TBC1D5: variants seen among roughly 807,000 people sequenced by gnomAD.
The protein encoded by TBC1D5 is TBC1 domain family, member 5.
In TBC1D5, 75 loss-of-function variants were observed where a neutral mutation model predicts 100.3. That is an observed-to-expected ratio of 0.75 (90% CI 0.62 to 0.91). The LOEUF is 0.91. Ranked by LOEUF, TBC1D5 falls within the 40% of genes least tolerant of loss-of-function variation. The pLI is 0.00. For synonymous variants in TBC1D5, 323 were observed against 325.6 expected (o/e 0.99, Z 0.09); for missense variants, 910 against 942.4 (o/e 0.97, Z 0.45).
At chr3:17,373,080 A>G (rs1420803190) in intron 12 of TBC1D5, among the ~76,000 whole-genome samples, 1 of 152,174 alleles carries the variant, frequency 6.6e-6, no homozygotes, top group Non-Finnish European at 1.5e-5. Context: ...CTTAAATTTC[A>G]TATTCTTTTC....
At chr3:17,244,998 C>T (rs565743022) in intron 16 of TBC1D5, among the ~76,000 whole-genome samples, 8 of 124,516 alleles carry the variant, frequency 6.4e-5, no homozygotes, top group African/African-American at 1.6e-4. Flanking sequence ...CCAGCCTGGG[C>T]GATATAGTGA....
At chr3:17,463,113 T>C (rs1177475424) in intron 3 of TBC1D5, among the ~76,000 whole-genome samples, 2 of 152,236 alleles carry the variant, frequency 1.3e-5, no homozygotes, top group Non-Finnish European at 2.9e-5. Context: ...TCCATCATTA[T>C]ATCCTGCTGT....
At chr3:17,212,475 T>C (rs2073099721) in intron 18 of TBC1D5, among the ~76,000 whole-genome samples, 1 of 152,168 alleles carries the variant, frequency 6.6e-6, no homozygotes. Flanking sequence ...TTTATCATTA[T>C]TTTATAATGT....
intron 13 of TBC1D5, among the ~76,000 whole-genome samples, chr3:17,355,509 A>C (rs2091129857): frequency 6.6e-6 from 1 of 152,176 alleles, no homozygotes; most frequent in Admixed American, 6.6e-5. Context: ...TTTACTCTAA[A>C]GTAATATTGA....
At chr3:17,386,989 A>C (rs182529510) in intron 8 of TBC1D5, among the ~76,000 whole-genome samples, 1 of 152,146 alleles carries the variant, frequency 6.6e-6, no homozygotes, top group Non-Finnish European at 1.5e-5. Flanking sequence ...CAGACATAGC[A>C]TATCTATGAA....
At chr3:17,573,899 C>T (rs2096641949) in intron 2 of TBC1D5, among the ~76,000 whole-genome samples, 1 of 151,918 alleles carries the variant, frequency 6.6e-6, no homozygotes, top group African/African-American at 2.4e-5. Context: ...AAACTACAAG[C>T]TCCTATTGGA....
intron 13 of TBC1D5, among the ~76,000 whole-genome samples, chr3:17,369,230 GA>G (rs1229829281): frequency 2.0e-5 from 3 of 149,536 alleles, no homozygotes; most frequent in Non-Finnish European, 4.5e-5. Flanking sequence ...CTAGTGAAAA[GA>G]AAAAAAAAGT....
chr3:17,323,575 A>G (rs1559632371), intron 13 of TBC1D5, among the ~76,000 whole-genome samples: 1 of 152,188 alleles, frequency 6.6e-6, no homozygotes, highest in Admixed American at 6.5e-5. Flanking sequence ...ATTGAAAAGA[A>G]AAGTAACAGC....
At chr3:17,268,565 A>T (rs2079059672) in intron 15 of TBC1D5, among the ~76,000 whole-genome samples, 1 of 152,176 alleles carries the variant, frequency 6.6e-6, no homozygotes, top group Admixed American at 6.6e-5. Flanking sequence ...CATTAGTATA[A>T]TTTTAAAGTA....
chr3:17,235,908 T>G (rs1412630033), intron 17 of TBC1D5, among the ~76,000 whole-genome samples: 1 of 152,028 alleles, frequency 6.6e-6, no homozygotes, highest in African/African-American at 2.4e-5. Context: ...AATTTTTGTT[T>G]TTTTTTTTTG....
intron 17 of TBC1D5, 114 bp downstream of exon 17, chr3:17,238,049 A>T: frequency 2.1e-6 from 3 of 1,415,762 alleles, no homozygotes; most frequent in Non-Finnish European, 2.8e-6. Flanking sequence ...CATATTTAAA[A>T]AGTAAGTTTT....
chr3:17,436,564 G>A (rs2149472819), intron 3 of TBC1D5, among the ~76,000 whole-genome samples: 1 of 152,254 alleles, frequency 6.6e-6, no homozygotes, highest in East Asian at 1.9e-4. Context: ...TGAGGATGGT[G>A]TATAAGTCTT....
At chr3:17,639,703 T>C (rs2064315659) in intron 1 of TBC1D5, among the ~76,000 whole-genome samples, 1 of 152,056 alleles carries the variant, frequency 6.6e-6, no homozygotes, top group Non-Finnish European at 1.5e-5. Flanking sequence ...GCTTTGAAGG[T>C]CACTAAACTG....
intron 3 of TBC1D5, among the ~76,000 whole-genome samples, chr3:17,456,681 C>A (rs1172028734): frequency 3.3e-5 from 5 of 152,288 alleles, no homozygotes; most frequent in Middle Eastern, 3.4e-3. Context: ...AACTCTTATA[C>A]ACTGCTGGTG....
intron 1 of TBC1D5, among the ~76,000 whole-genome samples, chr3:17,701,511 T>G (rs1476638230): frequency 2.6e-5 from 4 of 152,130 alleles, no homozygotes; most frequent in South Asian, 2.1e-4. Context: ...GGCGCACAAC[T>G]GTAGTTCCAG....
intron 8 of TBC1D5, among the ~76,000 whole-genome samples, chr3:17,395,963 A>C (rs1262094705): frequency 6.6e-6 from 1 of 152,154 alleles, no homozygotes; most frequent in Admixed American, 6.6e-5. Context: ...TTTTGCTTTT[A>C]TCTTAAGTGT....
rs368539409 is a variant in TBC1D5, at chr3:17,201,127, AT to A, written c.1752+13079del. On this transcript the variant is annotated intron_variant, in intron 18 of 21. Transcript: ENST00000253692. ...ACTGCCACAAATTAGAAAGGTCCTG[AT>A]TTTTTCCAACAGTTGCAGTTCCCTC... 4.4e-3 allele frequency among the ~76,000 whole-genome samples: 662 copies of A among 152,044 alleles called. 7 individuals are homozygous for A. The highest frequency in any genetic ancestry group is 0.015 in the African/African-American group (625 of 41,440).
intron 9 of TBC1D5, among the ~76,000 whole-genome samples, chr3:17,382,032 A>G (rs1367141737): frequency 6.6e-6 from 1 of 151,998 alleles, no homozygotes; most frequent in Non-Finnish European, 1.5e-5. Context: ...TGATCACAGA[A>G]CCTTTATAGA....
chr3:17,228,691 C>CTTT (rs34658453), intron 17 of TBC1D5, among the ~76,000 whole-genome samples: 8 of 143,920 alleles, frequency 5.6e-5, no homozygotes, highest in African/African-American at 1.3e-4. Flanking sequence ...GAGAAGTTAT[C>CTTT]TTTTTTTTTT....
Sources: allele counts gnomAD v4.1 joint callset (sites outside exome capture counted in the v4.1 genomes callset), GRCh38; gene constraint gnomAD v4.1.1; transcripts MANE v1.5; gene names NCBI Gene and HGNC (gene_info 2026-07-23, HGNC 2026-07-21).